Variants in ZMYND19 observed in about 807,000 individuals in gnomAD.
ZMYND19 encodes the protein zinc finger MYND domain-containing protein 19.
In ZMYND19, 17 loss-of-function variants were observed where a neutral mutation model predicts 32.0. The ratio of observed to expected loss-of-function variants is 0.53; its 90% CI spans 0.36 to 0.80. The LOEUF is 0.80. Ranked by LOEUF, ZMYND19 falls within the 30% of genes least tolerant of loss-of-function variation. The pLI is 0.00. For missense variants in ZMYND19, 250 were observed against 293.6 expected, an observed-to-expected ratio of 0.85 and a Z score of 1.09; for synonymous variants, 124 against 113.6, an observed-to-expected ratio of 1.09 and a Z score of -0.58.
chr9:137,587,155 C>T (rs774348063), intron 3 of ZMYND19, 48 bp from the exon 4 acceptor site: 1 of 1,587,038 alleles, frequency 6.3e-7, no homozygotes, highest in African/African-American at 1.3e-5. Context: ...TCGCTGCCTC[C>T]CACCCTCACA....
In ZMYND19 at chr9:137,589,781, G is replaced by A. The variant is rs955547798; in HGVS notation, c.51+432C>T. ...CCACACCAGACCCGCCTCGGCGAGA[G>A]GTGTGGAAGTGGCGCTGCCTCGGAA... On this transcript the variant is annotated intron_variant, in intron 1 of 5. Coordinates refer to ENST00000298585, the MANE Select transcript of ZMYND19 (RefSeq NM_138462.3). 11 of 985,392 alleles carry A rather than the reference G, an allele frequency of 1.1e-5. No individual in the cohort carries two copies. In the African/African-American group the frequency reaches 1.4e-4, roughly 13 times the overall value. 61.0% of individuals were successfully genotyped at this position (985,392 alleles called of 1,614,324 possible). A position where few individuals can be genotyped will look rare whatever the true frequency, so the allele number is the denominator to read the frequency against.
At position 137,590,228 on chromosome 9, in the gene ZMYND19, G is replaced by A. The variant is rs1431863863; in HGVS notation, c.36C>T (p.Gly12=). The change falls in exon 1 of 6, where the codon GGC becomes GGT. Residue 12 remains glycine (G), a synonymous_variant. Coordinates refer to ENST00000298585, the MANE Select transcript of ZMYND19 (RefSeq NM_138462.3). The surrounding 1 kb of genome is among the most constrained non-coding windows in gnomAD (Gnocchi z 4.2). ...TDFKLGIVRL[G]RVAGKTKYTL... ...CGCCGCTCACCTTCCCGGCCACCCG[G>A]CCGAGCCGCACGATACCCAATTTGA... 1.7e-6 allele frequency: 2 copies of A among 1,143,690 alleles called. No individual in the cohort carries two copies. Among genetic ancestry groups the A allele is most frequent in the South Asian group, 1.9e-5 (1 of 52,398 alleles). 70.8% of individuals were successfully genotyped at this position (1,143,690 alleles called of 1,614,324 possible).
rs902992225 is a variant in ZMYND19 at position 137,582,483 on chromosome 9, GTC to G, written c.*58_*59del. 3.2e-6 allele frequency: 5 copies of G among 1,569,490 alleles called. No homozygotes were observed. The African/African-American group carries it at 6.8e-5, about 21-fold the overall frequency. On this transcript the variant is annotated 3_prime_UTR_variant, in exon 6 of 6. Coordinates refer to ENST00000298585, the MANE Select transcript of ZMYND19 (RefSeq NM_138462.3). ...CACCTCCAGGTTCAACCACCAGTCT[GTC>G]TCTGCTGTGCCCAGGGTAGAGCCCG...
At chr9:137,586,915 CCCT>C (rs1368208778) in intron 4 of ZMYND19, 49 bp downstream of exon 4, 14 of 1,605,500 alleles carry the variant, frequency 8.7e-6, no homozygotes. Context: ...TTGGCGGTGG[CCCT>C]CCTCAAAAGG....
At chr9:137,588,518 G>A (rs1842232560) in intron 2 of ZMYND19, 141 bp downstream of exon 2, 6 of 903,022 alleles carry the variant, frequency 6.6e-6, no homozygotes, top group African/African-American at 1.6e-5. Flanking sequence ...GGGGCTGACG[G>A]CTCAGGGCTC....
rs1329205190 is a variant in ZMYND19, at chr9:137,587,036, C to T, written c.290G>A (p.Arg97His). 1.9e-6 allele frequency: 3 copies of T among 1,611,940 alleles called. No individual in the cohort carries two copies. Among genetic ancestry groups the T allele is most frequent in the Non-Finnish European group, 1.7e-6 (2 of 1,180,020 alleles). Reference sequence around the variant, plus strand: ...CGGCACCAGTTGCAGGTTGTCCAGGCGATTGTCCACGGTCACAGCGTTGAG... The same window carrying T: ...CGGCACCAGTTGCAGGTTGTCCAGGTGATTGTCCACGGTCACAGCGTTGAG... ...VHLNAVTVDN[R>H]LDNLQLVPWG... The change falls in exon 4 of 6, where the codon CGC (arginine) becomes CAC (histidine). Residue 97 changes from arginine (R) to histidine (H), a missense_variant. Transcript: ENST00000298585.
At chr9:137,586,683 G>A (rs1842208630) in intron 4 of ZMYND19, among the ~76,000 whole-genome samples, 1 of 152,194 alleles carries the variant, frequency 6.6e-6, no homozygotes, top group Non-Finnish European at 1.5e-5. Context: ...GCCCTGCCCT[G>A]GAGCAGGCAG....
chr9:137,588,242 G>T (rs530470876), intron 2 of ZMYND19, among the ~76,000 whole-genome samples: 84 of 152,238 alleles, frequency 5.5e-4, no homozygotes, highest in Non-Finnish European at 1.1e-3. Context: ...GACCCCATGA[G>T]AGCAGAGAAC....
chr9:137,583,226 G>A (rs1309716087), intron 4 of ZMYND19, 63 bp from the exon 5 acceptor site: 12 of 1,563,768 alleles, frequency 7.7e-6, no homozygotes, highest in African/African-American at 1.4e-5. Flanking sequence ...CACAGCAGAC[G>A]ATGCAATGAC....
chr9:137,588,095 T>C (rs1224015900), intron 2 of ZMYND19, among the ~76,000 whole-genome samples: 1 of 152,048 alleles, frequency 6.6e-6, no homozygotes, highest in Non-Finnish European at 1.5e-5. Context: ...TTCCTACCCT[T>C]AAAAAAAGCC....
At chr9:137,585,068 C>G (rs1842189158) in intron 4 of ZMYND19, among the ~76,000 whole-genome samples, 1 of 152,184 alleles carries the variant, frequency 6.6e-6, no homozygotes, top group Non-Finnish European at 1.5e-5. Context: ...AAGGTCAAAA[C>G]TCTAATATTA....
rs1445407231 is a variant in ZMYND19 at position 137,590,320 on chromosome 9, G to A, written c.-57C>T. ...GCTCCCTCGGGAGGCGCCGAGCGGG[G>A]GCCGGGGCGAGGCCGCGGCGCGCCG... is the stretch of plus-strand genomic sequence containing the variant. On this transcript the variant is annotated 5_prime_UTR_variant, in exon 1 of 6. Coordinates refer to ENST00000298585, the MANE Select transcript of ZMYND19 (RefSeq NM_138462.3). The surrounding 1 kb of genome is among the most constrained non-coding windows in gnomAD (Gnocchi z 4.2). The A allele has an allele frequency of 3.3e-5, 33 of 1,011,110 alleles. No homozygotes were observed. The highest frequency in any genetic ancestry group is 2.5e-5 in the Non-Finnish European group (21 of 846,108). The allele number at this position is 1,011,110 out of a possible 1,614,324, so 62.6% of individuals were successfully genotyped here. A position where few individuals can be genotyped will look rare whatever the true frequency, so the allele number is the denominator to read the frequency against.
chr9:137,587,055 C>T lies in ZMYND19; in HGVS notation c.271G>A (p.Ala91Thr), dbSNP rs759735773. 37 of 1,610,696 alleles carry T rather than the reference C, an allele frequency of 2.3e-5. No individual in the cohort carries two copies. The East Asian group carries it at 4.2e-4, about 18-fold the overall frequency. The change falls in exon 4 of 6, where the codon GCT (alanine) becomes ACT (threonine). Residue 91 changes from alanine (A) to threonine (T), a missense_variant. Coordinates refer to ENST00000298585, the MANE Select transcript of ZMYND19 (RefSeq NM_138462.3). ...TCCAGGCGATTGTCCACGGTCACAGCGTTGAGGTGCACCACCTGGAAGCCC... is the reference window on the plus strand; with the variant it reads ...TCCAGGCGATTGTCCACGGTCACAGTGTTGAGGTGCACCACCTGGAAGCCC... ...APGFQVVHLN[A>T]VTVDNRLDNL...
intron 3 of ZMYND19, 141 bp downstream of exon 3, chr9:137,587,576 T>C (rs543227075): frequency 4.1e-6 from 3 of 735,946 alleles, no homozygotes; most frequent in Admixed American, 4.5e-5. Flanking sequence ...GGGTTAGTGG[T>C]GAAGGACACA....
At position 137,589,465 on chromosome 9, in the gene ZMYND19, C is replaced by T. The variant is rs75127712; in HGVS notation, c.52-747G>A. On this transcript the variant is annotated intron_variant, in intron 1 of 5. Transcript: ENST00000298585. Reference sequence around the variant, plus strand: ...CACCAAAAGCCGCAGCCGCTGGTGACGGGAACAGGGCTCCCATCCGGGTAA... The same window carrying T: ...CACCAAAAGCCGCAGCCGCTGGTGATGGGAACAGGGCTCCCATCCGGGTAA... 2.4e-3 allele frequency: 2,357 copies of T among 985,440 alleles called. 53 individuals are homozygous for T. The African/African-American group carries it at 0.039, about 16-fold the overall frequency. The allele number at this position is 985,440 out of a possible 1,614,324, so 61.0% of individuals were successfully genotyped here. A position where few individuals can be genotyped will look rare whatever the true frequency, so the allele number is the denominator to read the frequency against.
At position 137,588,684 on chromosome 9, in the gene ZMYND19, G is replaced by C. The variant is rs1046849011; in HGVS notation, c.86C>G (p.Pro29Arg). 6.2e-7 allele frequency: 1 copy of C among 1,614,180 alleles called. No individual in the cohort carries two copies. The highest frequency in any genetic ancestry group is 1.1e-5 in the South Asian group (1 of 91,090). The change falls in exon 2 of 6, where the codon CCG (proline) becomes CGG (arginine). Residue 29 changes from proline to arginine, a missense_variant. By Grantham distance (103) the Pro-to-Arg change is moderately radical. This residue lies in a region of ZMYND19 where 212 missense variants were observed against 218.8 expected (regional missense o/e 0.97). Transcript: ENST00000298585. ...KYTLIDEQDI[P>R]LVESYSFEAR... ...CTCAAAGGAGTAGCTCTCCACCAGC[G>C]GGATGTCCTGCTCATCGATCAGCGT...
intron 2 of ZMYND19, 120 bp downstream of exon 2, chr9:137,588,539 A>T: frequency 8.9e-7 from 1 of 1,120,456 alleles, no homozygotes; most frequent in Non-Finnish European, 1.3e-6. Flanking sequence ...ACAGGCCAGC[A>T]CCAGTTGTCC....
At chr9:137,586,913 G>T (rs541390026) in intron 4 of ZMYND19, 54 bp downstream of exon 4, 6 of 1,605,058 alleles carry the variant, frequency 3.7e-6, no homozygotes, top group Middle Eastern at 1.7e-4. Context: ...CTTTGGCGGT[G>T]GCCCTCCTCA....
intron 3 of ZMYND19, chr9:137,587,471 C>A: frequency 1.7e-6 from 1 of 597,802 alleles, no homozygotes; most frequent in Non-Finnish European, 3.0e-6. Flanking sequence ...AGGGGAGCAA[C>A]CACCGTCCCT....
Sources: gnomAD v4.1 joint callset for allele counts (sites outside exome capture counted in the v4.1 genomes callset) on GRCh38, gnomAD v4.1.1 for gene constraint, gnomAD v4.1.1 regional missense constraint, Gnocchi (gnomAD v3.1) non-coding constraint, MANE v1.5 for transcripts, NCBI Gene and HGNC (gene_info 2026-07-23, HGNC 2026-07-21) for gene names.